The following DLG5 variants were observed in gnomAD, a reference collection of about 807,000 sequenced individuals.
DLG5 encodes the protein discs large MAGUK scaffold protein 5, also known as disks large homolog 5.
DLG5 carries 48 observed loss-of-function variants against 189.8 expected under a neutral mutation model. The observed-to-expected ratio is 0.25, with a 90% CI of 0.20 to 0.32. DLG5 has a LOEUF of 0.32. DLG5 is among the 10% of genes least tolerant of loss of function. DLG5 has a pLI of 1.00. For synonymous variants in DLG5, 1,016 were observed against 1,054.1 expected (o/e 0.96, Z 0.70); for missense variants, 2,160 against 2,544.7 (o/e 0.85, Z 3.25).
At chr10:77,870,597 T>C (rs1345399964) in intron 1 of DLG5, among the ~76,000 whole-genome samples, 1 of 151,404 alleles carries the variant, frequency 6.6e-6, no homozygotes, top group Non-Finnish European at 1.5e-5. Flanking sequence ...GGTGGGAGGA[T>C]CACCTAAGCC....
At chr10:77,888,271 T>A (rs963278155) in intron 1 of DLG5, among the ~76,000 whole-genome samples, 2 of 152,184 alleles carry the variant, frequency 1.3e-5, no homozygotes, top group Admixed American at 6.5e-5. Context: ...CAGGAACTTA[T>A]GTGCCTGGCC....
chr10:77,875,990 G>C (rs1216175689), intron 1 of DLG5, among the ~76,000 whole-genome samples: 1 of 152,038 alleles, frequency 6.6e-6, no homozygotes, highest in Non-Finnish European at 1.5e-5. Flanking sequence ...CCCTGGAATG[G>C]AGCAACCACA....
intron 1 of DLG5, among the ~76,000 whole-genome samples, chr10:77,910,171 G>A (rs1564591705): frequency 2.0e-5 from 3 of 152,154 alleles, no homozygotes; most frequent in Admixed American, 2.0e-4. Context: ...ATGCTGTGAC[G>A]AAGAGAGGTG....
intron 1 of DLG5, among the ~76,000 whole-genome samples, chr10:77,917,533 AAAAG>A (rs2131855329): frequency 1.3e-5 from 2 of 152,194 alleles, no homozygotes; most frequent in East Asian, 3.9e-4. Context: ...CAAAAAAAAA[AAAAG>A]AAGAAAGAGA....
intron 22 of DLG5, 105 bp from the exon 23 acceptor site, chr10:77,811,339 A>C (rs1841761861): frequency 7.0e-7 from 1 of 1,422,702 alleles, no homozygotes; most frequent in South Asian, 1.3e-5. Flanking sequence ...ACCAGGTCAC[A>C]TAGCCCTGCA....
intron 1 of DLG5, among the ~76,000 whole-genome samples, chr10:77,898,615 C>T (rs997588208): frequency 2.6e-5 from 4 of 152,228 alleles, no homozygotes; most frequent in Admixed American, 6.5e-5. Context: ...CTGGCACCAG[C>T]GCAGGAGCAG....
chr10:77,926,471 G>A lies in DLG5; in HGVS notation c.50C>T (p.Ala17Val). The change falls in exon 1 of 32, where the codon GCC becomes GTC. Residue 17 changes from alanine (A) to valine (V), a missense_variant. This residue lies in a region of DLG5 where 664 missense variants were observed against 838.5 expected (regional missense o/e 0.79). Coordinates refer to ENST00000372391, the MANE Select transcript of DLG5 (RefSeq NM_004747.4). The surrounding 1 kb of genome is among the most constrained non-coding windows in gnomAD (Gnocchi z 5.2). ...GGCTTCCACCTCCGTCATGGCCTGG[G>A]CCAGGCTCTGCTGACACTGGGCGAG... Reference protein sequence around the residue: ...ELLAQCQQSLAQAMTEVEAVL... With the variant: ...ELLAQCQQSLVQAMTEVEAVL... 2 of 1,508,068 alleles carry A rather than the reference G, an allele frequency of 1.3e-6. No individual in the cohort carries two copies. The highest frequency in any genetic ancestry group is 1.8e-6 in the Non-Finnish European group (2 of 1,128,824). 93.4% of individuals were successfully genotyped at this position (1,508,068 alleles called of 1,614,324 possible).
At chr10:77,839,683 A>C (rs547541378) in intron 7 of DLG5, among the ~76,000 whole-genome samples, 1 of 152,346 alleles carries the variant, frequency 6.6e-6, no homozygotes, top group Non-Finnish European at 1.5e-5. Flanking sequence ...TCCCCAAAAA[A>C]TTATGTGCTC....
At chr10:77,825,415 C>CACACACACAG (rs1491412699) in intron 13 of DLG5, among the ~76,000 whole-genome samples, 6 of 148,176 alleles carry the variant, frequency 4.0e-5, no homozygotes, top group African/African-American at 1.2e-4. Context: ...CACACACACA[C>CACACACACAG]AGTACCAATG....
At chr10:77,807,743 G>A (rs1388992858) in intron 25 of DLG5, 53 bp downstream of exon 25, 17 of 1,584,344 alleles carry the variant, frequency 1.1e-5, no homozygotes, top group Non-Finnish European at 1.4e-5. Context: ...AGTCTCCAGT[G>A]AAAGCCTCTC....
intron 1 of DLG5, among the ~76,000 whole-genome samples, chr10:77,870,816 A>G (rs1844867668): frequency 6.6e-6 from 1 of 152,054 alleles, no homozygotes; most frequent in Non-Finnish European, 1.5e-5. Flanking sequence ...AGGGAGATGC[A>G]CTGTAGGTGG....
In DLG5 at chr10:77,795,511, C is replaced by T. The variant is rs61132885; in HGVS notation, c.5436+550G>A. 3.8e-3 allele frequency among the ~76,000 whole-genome samples: 573 copies of T among 152,210 alleles called. 3 individuals carry two copies. The highest frequency in any genetic ancestry group is 0.013 in the African/African-American group (536 of 41,534). On this transcript the variant is annotated intron_variant, in intron 29 of 31. Transcript: ENST00000372391. Reference sequence around the variant, plus strand: ...GAGAAGGGAAGCAAAGCCCAGCGAGCGAGCTGAGCAGCCTGGAGAAATGGA... The same window carrying T: ...GAGAAGGGAAGCAAAGCCCAGCGAGTGAGCTGAGCAGCCTGGAGAAATGGA...
At chr10:77,924,291 A>T (rs574585969) in intron 1 of DLG5, among the ~76,000 whole-genome samples, 3 of 152,358 alleles carry the variant, frequency 2.0e-5, no homozygotes. Flanking sequence ...GTCTGAAATC[A>T]ATGCCCTAGG....
chr10:77,795,172 G>T (rs1840846047), intron 29 of DLG5, among the ~76,000 whole-genome samples: 1 of 152,174 alleles, frequency 6.6e-6, no homozygotes, highest in Non-Finnish European at 1.5e-5. Context: ...CAGGGCTTAG[G>T]GGGCTAGGGG....
chr10:77,910,501 G>T, intron 1 of DLG5, among the ~76,000 whole-genome samples: 1 of 152,200 alleles, frequency 6.6e-6, no homozygotes, highest in East Asian at 1.9e-4. Context: ...CCAGGAGAAT[G>T]TCAGGAAAAA....
intron 9 of DLG5, 29 bp downstream of exon 9, chr10:77,833,885 C>A (rs1379368092): frequency 6.2e-7 from 1 of 1,601,984 alleles, no homozygotes; most frequent in East Asian, 2.2e-5. Flanking sequence ...GATGCATGCC[C>A]ACTCCAGCGG....
chr10:77,870,309 C>T (rs1413323667), intron 1 of DLG5, among the ~76,000 whole-genome samples: 1 of 152,166 alleles, frequency 6.6e-6, no homozygotes, highest in Non-Finnish European at 1.5e-5. Context: ...TTGAACAAGC[C>T]TTAGGGCTCT....
intron 13 of DLG5, among the ~76,000 whole-genome samples, chr10:77,827,248 A>G (rs1257816562): frequency 6.6e-6 from 1 of 152,092 alleles, no homozygotes; most frequent in African/African-American, 2.4e-5. Flanking sequence ...TATTAGAGAC[A>G]GGAGTCTTGC....
chr10:77,880,071 T>C (rs1446017928), intron 1 of DLG5, among the ~76,000 whole-genome samples: 3 of 152,102 alleles, frequency 2.0e-5, no homozygotes, highest in African/African-American at 7.2e-5. Flanking sequence ...AACCTGAGCA[T>C]GCAGGGGCTA....
Sources: allele counts gnomAD v4.1 joint callset (sites outside exome capture counted in the v4.1 genomes callset), GRCh38; gene constraint gnomAD v4.1.1; regional missense constraint gnomAD v4.1.1; non-coding constraint Gnocchi (gnomAD v3.1); transcripts MANE v1.5; gene names NCBI Gene and HGNC (gene_info 2026-07-23, HGNC 2026-07-21).